Variants in MTCL1 observed in about 807,000 individuals in gnomAD.
MTCL1 encodes the protein microtubule cross-linking factor 1.
Under a neutral mutation model 141.4 loss-of-function variants are expected in MTCL1, and 79 were observed. That is an observed-to-expected ratio of 0.56 (90% CI 0.47 to 0.67). The LOEUF (loss-of-function observed/expected upper bound fraction) is 0.67, where lower values mean the gene tolerates loss of function less well. MTCL1 is among the 30% of genes least tolerant of loss of function. The probability of loss-of-function intolerance (pLI) is 0.00; values close to 1 mark genes in which losing one functional copy is unlikely to be tolerated. For missense variants in MTCL1, 2,177 were observed against 2,113.9 expected (o/e 1.03, Z -0.59); for synonymous variants, 914 against 875.8 (o/e 1.04, Z -0.77).
chr18:8,751,423 C>T (rs2096370650), intron 4 of MTCL1, among the ~76,000 whole-genome samples: 1 of 152,218 alleles, frequency 6.6e-6, no homozygotes, highest in African/African-American at 2.4e-5. Context: ...GATGTTGCCG[C>T]TACTGTTACT....
At chr18:8,825,216 A>G (rs751385475) in exon 15 of MTCL1, 2 of 1,596,084 alleles carry the variant, frequency 1.3e-6, no homozygotes, top group African/African-American at 1.3e-5. Context: ...ACCCATGCTC[A>G]GCAGGTGGCC....
At position 8,724,442 on chromosome 18, in the gene MTCL1, C is replaced by A. The variant is rs575880649; in HGVS notation, c.357+3946C>A. Among the ~76,000 whole-genome samples, 3 of 152,204 alleles carry A rather than the reference C, an allele frequency of 2.0e-5. No individual in the cohort carries two copies. The East Asian group carries it at 5.8e-4, about 29-fold the overall frequency. On this transcript the variant is annotated intron_variant, in intron 4 of 16. Transcript: ENST00000359865. The stretch of plus-strand genomic sequence containing the variant: ...AACAAAACAAAATAAAAACATTTTT[C>A]TTTCTCCACTCTATCCGTACTTTTA...
At chr18:8,711,870 C>A (rs991574251) in intron 1 of MTCL1, among the ~76,000 whole-genome samples, 2 of 152,258 alleles carry the variant, frequency 1.3e-5, no homozygotes, top group East Asian at 3.9e-4. Flanking sequence ...ATGCTGAGGA[C>A]TTTGGTAAAG....
intron 4 of MTCL1, among the ~76,000 whole-genome samples, chr18:8,740,360 C>T (rs2096295950): frequency 6.6e-6 from 1 of 152,028 alleles, no homozygotes; most frequent in African/African-American, 2.4e-5. Flanking sequence ...AGACAATGGC[C>T]AAACATCAGT....
intron 15 of MTCL1, among the ~76,000 whole-genome samples, chr18:8,826,785 CT>C (rs1426524412): frequency 1.3e-5 from 2 of 152,332 alleles, no homozygotes; most frequent in East Asian, 1.9e-4. Flanking sequence ...ATGAGCCCCC[CT>C]AGCAGTAAAA....
intron 10 of MTCL1, 66 bp from the exon 10 acceptor site, chr18:8,806,827 T>A (rs978004292): frequency 6.1e-6 from 8 of 1,319,994 alleles, no homozygotes; most frequent in Non-Finnish European, 8.1e-6. Context: ...AGCCAGATCC[T>A]CTCCTCTTCT....
intron 6 of MTCL1, 51 bp from the exon 6 acceptor site, chr18:8,785,885 T>C: frequency 4.6e-6 from 7 of 1,523,072 alleles, no homozygotes; most frequent in Non-Finnish European, 5.3e-6. Flanking sequence ...TGTTTTTTTG[T>C]TTAAAATTTT....
intron 4 of MTCL1, among the ~76,000 whole-genome samples, chr18:8,751,964 G>C (rs2096374037): frequency 6.6e-6 from 1 of 152,188 alleles, no homozygotes; most frequent in Non-Finnish European, 1.5e-5. Context: ...TGTTTGTTCA[G>C]AATTTTAGCA....
intron 7 of MTCL1, among the ~76,000 whole-genome samples, chr18:8,791,375 A>C (rs558865328): frequency 2.0e-5 from 3 of 151,316 alleles, no homozygotes; most frequent in South Asian, 2.1e-4. Flanking sequence ...GATTTATGTT[A>C]TGTTGCTAGC....
chr18:8,797,074 G>T (rs976869014), intron 9 of MTCL1, among the ~76,000 whole-genome samples: 2 of 152,152 alleles, frequency 1.3e-5, no homozygotes, highest in African/African-American at 4.8e-5. Flanking sequence ...AGAGTGCCCT[G>T]GTCCATAACT....
chr18:8,786,308 G>A (rs4798686), intron 7 of MTCL1: 33,155 of 705,306 alleles, frequency 0.047, 1,029 homozygotes, highest in Admixed American at 0.096. Flanking sequence ...TCGTCAGACA[G>A]AGGGACAGCT....
At chr18:8,811,219 C>T (rs2076471731) in intron 11 of MTCL1, 1 of 152,232 alleles carries the variant, frequency 6.6e-6, no homozygotes. Context: ...AAAGGGGAGC[C>T]GATGTGTGCA....
Position 8,822,304 on chromosome 18 carries a change from T to A in MTCL1, c.3188+806T>A, listed in dbSNP as rs992233636. ...GTTGGTTGGTTGGTTGGTTGGTTGG[T>A]TGATTTTTGAAATGGAGTCTCGCTC... is the stretch of plus-strand genomic sequence containing the variant. On this transcript the variant is annotated intron_variant, in intron 14 of 16. Coordinates refer to ENST00000359865, the Ensembl canonical transcript of MTCL1. This position sits in a 1 kb window ranked among gnomAD's most constrained non-coding sequence, Gnocchi z 4.6. Among the ~76,000 whole-genome samples, 6 of 151,208 alleles carry A rather than the reference T, an allele frequency of 4.0e-5. No homozygotes were observed. In the South Asian group the frequency reaches 6.3e-4, roughly 16 times the overall value.
exon 15 of MTCL1, chr18:8,825,430 T>C (rs1278167113): frequency 6.4e-7 from 1 of 1,559,990 alleles, no homozygotes; most frequent in Non-Finnish European, 8.7e-7. Context: ...GTCAAGGACA[T>C]GGCCTGCCAG....
rs191149779 is a variant in MTCL1 at position 8,804,816 on chromosome 18, C to A, written c.2437-2077C>A. On this transcript the variant is annotated intron_variant, in intron 10 of 16. Transcript: ENST00000359865. ...GACCAGCCTGAGCAACATGATGAAACCTTGTTTCTACAAAAAATACAAAAA... is the reference window on the plus strand; with the variant it reads ...GACCAGCCTGAGCAACATGATGAAAACTTGTTTCTACAAAAAATACAAAAA... Among the ~76,000 whole-genome samples, 464 of 152,164 alleles carry A rather than the reference C, an allele frequency of 3.0e-3. 5 individuals carry two copies. The highest frequency in any genetic ancestry group is 3.4e-3 in the Non-Finnish European group (230 of 68,000).
chr18:8,830,339 T>C lies in MTCL1; in HGVS notation c.*19-1268T>C. Reference sequence around the variant, plus strand: ...CCAGCCACAAAAGCAGCAGGGAGCATGAAGCATAGTCTCCAGGGCCACTGT... The same window carrying C: ...CCAGCCACAAAAGCAGCAGGGAGCACGAAGCATAGTCTCCAGGGCCACTGT... On this transcript the variant is annotated intron_variant, in intron 16 of 16. Transcript: ENST00000359865. This position sits in a 1 kb window ranked among gnomAD's most constrained non-coding sequence, Gnocchi z 6.4. The C allele has an allele frequency of 3.0e-6, 3 of 985,544 alleles. No individual in the cohort carries two copies. Among genetic ancestry groups the C allele is most frequent in the Non-Finnish European group, 2.4e-6 (2 of 830,010 alleles). The allele number at this position is 985,544 out of a possible 1,614,324, so 61.0% of individuals were successfully genotyped here. A position where few individuals can be genotyped will look rare whatever the true frequency, so the allele number is the denominator to read the frequency against.
In MTCL1 at chr18:8,725,776, C is replaced by CTTTTTTTTTT. The variant is rs1220187127; in HGVS notation, c.357+5284_357+5293dup. The stretch of plus-strand genomic sequence containing the variant: ...GCGTTATGTATTTTGGTGCCATTTT[C>CTTTTTTTTTT]TTTTTTTTTTTTTCTTTTTTTTTTT... On this transcript the variant is annotated intron_variant, in intron 4 of 16. Transcript: ENST00000359865. Among the ~76,000 whole-genome samples, 122 of 110,998 alleles carry CTTTTTTTTTT rather than the reference C, an allele frequency of 1.1e-3. 16 individuals carry two copies. Among genetic ancestry groups the CTTTTTTTTTT allele is most frequent in the African/African-American group, 2.4e-3 (65 of 27,050 alleles). 72.8% of individuals were successfully genotyped at this position (110,998 alleles called of 152,430 possible). A position where few individuals can be genotyped will look rare whatever the true frequency, so the allele number is the denominator to read the frequency against.
chr18:8,778,370 A>C (rs1322082579), intron 5 of MTCL1, among the ~76,000 whole-genome samples: 2 of 152,248 alleles, frequency 1.3e-5, no homozygotes, highest in Non-Finnish European at 2.9e-5. Context: ...GATGCACAGT[A>C]TGTATTCTTC....
At chr18:8,746,244 G>A (rs2096337248) in intron 4 of MTCL1, among the ~76,000 whole-genome samples, 1 of 152,224 alleles carries the variant, frequency 6.6e-6, no homozygotes, top group African/African-American at 2.4e-5. Flanking sequence ...TCTTTTGGGT[G>A]TGTACTCGGA....
Sources: gnomAD v4.1 joint callset for allele counts (sites outside exome capture counted in the v4.1 genomes callset) on GRCh38, gnomAD v4.1.1 for gene constraint, Gnocchi (gnomAD v3.1) non-coding constraint, MANE v1.5 for transcripts, NCBI Gene and HGNC (gene_info 2026-07-23, HGNC 2026-07-21) for gene names.